LRFN5: variants seen among roughly 807,000 people sequenced by gnomAD.
LRFN5 encodes the protein leucine-rich repeat and fibronectin type-III domain-containing protein 5.
Under a neutral mutation model 45.6 loss-of-function variants are expected in LRFN5, and 24 were observed. The ratio of observed to expected loss-of-function variants is 0.53; its 90% CI spans 0.38 to 0.74. LRFN5 has a LOEUF of 0.74. Ranked by LOEUF, LRFN5 falls within the 30% of genes least tolerant of loss-of-function variation. LRFN5 has a pLI of 0.00. For missense variants in LRFN5, 776 were observed against 861.5 expected (o/e 0.90, Z 1.24); for synonymous variants, 340 against 313.8 (o/e 1.08, Z -0.88).
intron 2 of LRFN5, among the ~76,000 whole-genome samples, chr14:41,869,012 C>A (rs1032820928): frequency 6.6e-6 from 1 of 152,184 alleles, no homozygotes; most frequent in Middle Eastern, 3.4e-3. Flanking sequence ...TAAATATGTC[C>A]TTGGTTTTGA....
At chr14:41,800,802 G>A (rs1183611939) in intron 2 of LRFN5, among the ~76,000 whole-genome samples, 1 of 151,486 alleles carries the variant, frequency 6.6e-6, no homozygotes, top group Non-Finnish European at 1.5e-5. Flanking sequence ...GCAGTTCAAG[G>A]AAAATATAAA....
At chr14:41,660,934 A>G (rs1321184286) in intron 1 of LRFN5, among the ~76,000 whole-genome samples, 2 of 151,564 alleles carry the variant, frequency 1.3e-5, no homozygotes, top group Non-Finnish European at 2.9e-5. Flanking sequence ...ACCTAATTTT[A>G]GTTATAATAG....
intron 2 of LRFN5, among the ~76,000 whole-genome samples, chr14:41,852,143 T>G (rs1026061893): frequency 8.6e-5 from 13 of 151,928 alleles, no homozygotes; most frequent in Non-Finnish European, 1.3e-4. Flanking sequence ...ATTTTCAGTC[T>G]TCTTTTAAGA....
chr14:41,837,853 G>A (rs1238881773), intron 2 of LRFN5, among the ~76,000 whole-genome samples: 2 of 152,162 alleles, frequency 1.3e-5, no homozygotes, highest in African/African-American at 2.4e-5. Flanking sequence ...CAAGCTAACC[G>A]CTGACAATTC....
chr14:41,656,954 C>T (rs770371626), intron 1 of LRFN5, among the ~76,000 whole-genome samples: 3 of 151,792 alleles, frequency 2.0e-5, no homozygotes, highest in African/African-American at 4.8e-5. Flanking sequence ...CAGTTCTCCA[C>T]GTGGATTCGT....
chr14:41,883,082 C>T lies in LRFN5; in HGVS notation c.-20-3524C>T, dbSNP rs572665603. Among the ~76,000 whole-genome samples the T allele has an allele frequency of 1.2e-3, 186 of 151,906 alleles. 5 individuals are homozygous for T. The South Asian group carries it at 0.037, about 31-fold the overall frequency. ...CAGGATGGTCTCGAACTCCTGACCA[C>T]GTAATCTGTCCCCCCGACCCTGGCT... is the stretch of plus-strand genomic sequence containing the variant. On this transcript the variant is annotated intron_variant, in intron 2 of 5. Coordinates refer to ENST00000298119, the MANE Select transcript of LRFN5 (RefSeq NM_152447.5).
intron 1 of LRFN5, among the ~76,000 whole-genome samples, chr14:41,628,587 G>C (rs1329749232): frequency 6.6e-6 from 1 of 150,898 alleles, no homozygotes; most frequent in African/African-American, 2.4e-5. Context: ...CTCGGCAATA[G>C]AATAAGACCC....
chr14:41,825,083 C>G (rs544736512), intron 2 of LRFN5, among the ~76,000 whole-genome samples: 2 of 152,312 alleles, frequency 1.3e-5, no homozygotes, highest in South Asian at 4.1e-4. Flanking sequence ...TAGCCCAGAA[C>G]AGATAGCTCT....
intron 2 of LRFN5, among the ~76,000 whole-genome samples, chr14:41,775,577 T>G: frequency 6.6e-6 from 1 of 152,206 alleles, no homozygotes; most frequent in East Asian, 1.9e-4. Flanking sequence ...TCATACCTGC[T>G]TACTTATTTA....
Position 41,891,730 on chromosome 14 carries a change from C to G in LRFN5, c.1866C>G (p.Ser622=). The change falls in exon 4 of 6, where the codon TCC becomes TCG. Residue 622 remains serine, a synonymous_variant. Transcript: ENST00000298119. ...CAGAAACTTGTTCGAGTCAGGACTC[C>G]TCTACCACTACCTCTGCTTTGCCTC... The part of the protein sequence containing the change: ...QSSETCSSQD[S]STTTSALPPS... The G allele has an allele frequency of 6.2e-7, 1 of 1,614,188 alleles. No homozygotes were observed. Among genetic ancestry groups the G allele is most frequent in the Non-Finnish European group, 8.5e-7 (1 of 1,180,038 alleles).
chr14:41,715,815 C>A (rs897016644), intron 1 of LRFN5, among the ~76,000 whole-genome samples: 2 of 152,170 alleles, frequency 1.3e-5, no homozygotes, highest in Admixed American at 6.5e-5. Flanking sequence ...CATAGCTCCA[C>A]TAGGTGGTAC....
chr14:41,645,472 T>A (rs575624835), intron 1 of LRFN5, among the ~76,000 whole-genome samples: 1 of 152,106 alleles, frequency 6.6e-6, no homozygotes, highest in East Asian at 1.9e-4. Context: ...CAATTATTTT[T>A]ATATGCTTAC....
chr14:41,833,855 GA>G (rs1888569779), intron 2 of LRFN5, among the ~76,000 whole-genome samples: 2 of 152,036 alleles, frequency 1.3e-5, no homozygotes, highest in Non-Finnish European at 2.9e-5. Flanking sequence ...TCTTTCTTTT[GA>G]ACTACTGAAT....
At chr14:41,615,406 C>T (rs1454058852) in intron 1 of LRFN5, among the ~76,000 whole-genome samples, 2 of 152,116 alleles carry the variant, frequency 1.3e-5, no homozygotes, top group African/African-American at 2.4e-5. Context: ...TTCCAAACCA[C>T]AATTGCTGTG....
At chr14:41,856,538 G>A (rs2139087083) in intron 2 of LRFN5, among the ~76,000 whole-genome samples, 1 of 151,836 alleles carries the variant, frequency 6.6e-6, no homozygotes, top group East Asian at 1.9e-4. Context: ...CCTTGAATGT[G>A]AGCATTTCAA....
intron 1 of LRFN5, among the ~76,000 whole-genome samples, chr14:41,680,484 A>C (rs1397917913): frequency 6.6e-6 from 1 of 152,156 alleles, no homozygotes; most frequent in Non-Finnish European, 1.5e-5. Flanking sequence ...TAATCAAGGG[A>C]ATTCTTCCAG....
At chr14:41,616,219 G>T (rs963085537) in intron 1 of LRFN5, among the ~76,000 whole-genome samples, 15 of 152,124 alleles carry the variant, frequency 9.9e-5, no homozygotes, top group Non-Finnish European at 1.5e-5. Context: ...ACTCTAAGGT[G>T]ACTGGCTGGC....
chr14:41,771,549 G>A (rs529995908), intron 2 of LRFN5, among the ~76,000 whole-genome samples: 113 of 151,978 alleles, frequency 7.4e-4, no homozygotes, highest in Non-Finnish European at 1.4e-3. Context: ...ATTTTTTTCT[G>A]CCAGATACCC....
chr14:41,835,961 C>T (rs1016632472), intron 2 of LRFN5, among the ~76,000 whole-genome samples: 3 of 149,372 alleles, frequency 2.0e-5, no homozygotes, highest in Non-Finnish European at 3.0e-5. Flanking sequence ...GAAAATGTGG[C>T]TTTCAATTAT....
Sources: gnomAD v4.1 joint callset for allele counts (sites outside exome capture counted in the v4.1 genomes callset) on GRCh38, gnomAD v4.1.1 for gene constraint, MANE v1.5 for transcripts, NCBI Gene and HGNC (gene_info 2026-07-23, HGNC 2026-07-21) for gene names.